DMGDH: variants seen among roughly 807,000 people sequenced by gnomAD.
DMGDH encodes dimethylglycine dehydrogenase.
Under a neutral mutation model 95.2 loss-of-function variants are expected in DMGDH, and 76 were observed. The ratio of observed to expected loss-of-function variants is 0.80; its 90% CI spans 0.66 to 0.97. The LOEUF (loss-of-function observed/expected upper bound fraction) is 0.97. Among genes scored for constraint, DMGDH ranks in the 50% least tolerant of loss-of-function variants. The pLI, the probability that DMGDH is intolerant of heterozygous loss-of-function variation, is 0.00. For synonymous variants in DMGDH, 345 were observed against 377.6 expected, an observed-to-expected ratio of 0.91 and a Z score of 1.00; for missense variants, 987 against 1,055.0, an observed-to-expected ratio of 0.94 and a Z score of 0.89.
At chr5:79,052,319 T>C (rs776787230) in intron 4 of DMGDH, among the ~76,000 whole-genome samples, 1 of 152,202 alleles carries the variant, frequency 6.6e-6, no homozygotes, top group Non-Finnish European at 1.5e-5. Flanking sequence ...ACTGGCCTCA[T>C]AGAATGAGTT....
At chr5:79,004,731 G>A (rs1316140761) in intron 15 of DMGDH, among the ~76,000 whole-genome samples, 1 of 152,142 alleles carries the variant, frequency 6.6e-6, no homozygotes, top group East Asian at 1.9e-4. Context: ...CAAATAGAAA[G>A]AATAAAAAGT....
In DMGDH at chr5:79,063,613, T is replaced by C. The variant is rs768400874; in HGVS notation, c.276A>G (p.Ala92=). 88 of 1,614,102 alleles carry C rather than the reference T, an allele frequency of 5.5e-5. 2 individuals are homozygous for C. In the South Asian group the frequency reaches 8.0e-4, roughly 15 times the overall value. Residue 92 remains alanine (A), a splice_region_variant and synonymous_variant, in exon 2 of 16, where the codon GCA becomes GCG. Coordinates refer to ENST00000255189, the MANE Select transcript of DMGDH (RefSeq NM_013391.3). ...SELTAGSTWH[A]AGLTTYFHPG... is the part of the protein sequence containing the mutation. The stretch of plus-strand genomic sequence containing the variant: ...TGACAGTTTGGGGTGCTTTTCTTAC[T>C]GCGTGCCAGGTAGATCCAGCCGTGA...
rs1406033505 is a variant in DMGDH, at chr5:79,042,363, A to G, written c.1113T>C (p.Pro371=). Residue 371 remains proline, a synonymous_variant, in exon 7 of 16, where the codon CCT becomes CCC. Coordinates refer to ENST00000255189, the MANE Select transcript of DMGDH (RefSeq NM_013391.3). ...KADIINVVNG[P]ITYSPDILPM... Reference sequence around the variant, plus strand: ...GCAGAATGTCAGGAGAATACGTGATAGGACCATTGACAACATTGATGATGT... The same window carrying G: ...GCAGAATGTCAGGAGAATACGTGATGGGACCATTGACAACATTGATGATGT... 1 of 1,614,254 alleles carries G rather than the reference A, an allele frequency of 6.2e-7. No individual in the cohort carries two copies. The highest frequency in any genetic ancestry group is 2.2e-5 in the East Asian group (1 of 44,888).
In DMGDH at chr5:79,065,400, C is replaced by T. The variant is rs138811954; in HGVS notation, c.102-1613G>A. Among the ~76,000 whole-genome samples the T allele has an allele frequency of 1.7e-4, 26 of 149,430 alleles. 1 individual carries two copies. Among genetic ancestry groups the T allele is most frequent in the African/African-American group, 6.2e-4 (25 of 40,570 alleles). ...CTAATTTTTGTATTTTTAGTGGAGA[C>T]GGGGTTTCACCATGTTGGCCAGGCT... On this transcript the variant is annotated intron_variant, in intron 1 of 15. Coordinates refer to ENST00000255189, the MANE Select transcript of DMGDH (RefSeq NM_013391.3).
chr5:79,005,502 C>T, intron 14 of DMGDH, 95 bp from the exon 15 acceptor site: 1 of 1,500,934 alleles, frequency 6.7e-7, no homozygotes, highest in African/African-American at 1.4e-5. Context: ...CCTATTTTCT[C>T]ACCAATTACA....
intron 14 of DMGDH, 76 bp from the exon 15 acceptor site, chr5:79,005,483 T>C: frequency 6.3e-7 from 1 of 1,592,748 alleles, no homozygotes; most frequent in Non-Finnish European, 8.6e-7. Flanking sequence ...AGCATTTAAA[T>C]TTGTCTTTCC....
chr5:79,040,536 G>T (rs766330779), intron 7 of DMGDH, among the ~76,000 whole-genome samples: 1 of 152,136 alleles, frequency 6.6e-6, no homozygotes, highest in East Asian at 1.9e-4. Context: ...AAATCTTCAC[G>T]AACTTGGATT....
At chr5:79,021,808 A>C in intron 14 of DMGDH, 3 of 989,310 alleles carry the variant, frequency 3.0e-6, no homozygotes, top group Non-Finnish European at 4.1e-6. Context: ...TTCAAGTCTG[A>C]TAAGCCCACT....
In DMGDH at chr5:79,060,651, T is replaced by C. The variant is rs1455409395; in HGVS notation, c.276+2962A>G. 2.6e-5 allele frequency among the ~76,000 whole-genome samples: 4 copies of C among 152,184 alleles called. No homozygotes were observed. In the East Asian group the frequency reaches 7.7e-4, roughly 29 times the overall value. ...AATTCTTAATATCAGCCTGGCGCGG[T>C]GGCTCACGCCTGTAATCCCAGCACT... On this transcript the variant is annotated intron_variant, in intron 2 of 15. Transcript: ENST00000255189.
At chr5:79,017,771 A>AT (rs933351825) in intron 14 of DMGDH, among the ~76,000 whole-genome samples, 47 of 152,304 alleles carry the variant, frequency 3.1e-4, no homozygotes, top group African/African-American at 1.1e-3. Context: ...TTATATGTGC[A>AT]TTTTTTTCAA....
rs145923150 is a variant in DMGDH, at chr5:79,034,242, C to T, written c.1194-834G>A. On this transcript the variant is annotated intron_variant, in intron 7 of 15. Transcript: ENST00000255189. ...GTGCGCAAGGAACTTGAGCCATTAT[C>T]TTAGAAACATTCAGGCAAAGAGGCC... Among the ~76,000 whole-genome samples, 445 of 152,256 alleles carry T rather than the reference C, an allele frequency of 2.9e-3. 3 individuals carry two copies. Among genetic ancestry groups the T allele is most frequent in the Non-Finnish European group, 3.1e-3 (214 of 68,008 alleles).
chr5:79,035,592 T>C (rs556931784), intron 7 of DMGDH, among the ~76,000 whole-genome samples: 52 of 152,238 alleles, frequency 3.4e-4, no homozygotes, highest in African/African-American at 1.2e-3. Flanking sequence ...TACAGCACTG[T>C]CTATATTTTT....
chr5:79,058,120 T>A (rs1000473946), intron 2 of DMGDH, among the ~76,000 whole-genome samples: 3 of 152,220 alleles, frequency 2.0e-5, no homozygotes, highest in African/African-American at 7.2e-5. Context: ...ACCGCAACAG[T>A]ATACCCAGTT....
chr5:79,013,966 G>A (rs114883486), intron 14 of DMGDH, among the ~76,000 whole-genome samples: 152 of 152,210 alleles, frequency 1.0e-3, no homozygotes, highest in African/African-American at 3.5e-3. Flanking sequence ...CATGAGATTT[G>A]GTGCAGACAC....
intron 15 of DMGDH, among the ~76,000 whole-genome samples, chr5:79,004,915 A>C (rs775546379): frequency 6.6e-6 from 1 of 152,244 alleles, no homozygotes; most frequent in Non-Finnish European, 1.5e-5. Context: ...AAGTTAAATC[A>C]GAATGCCAAA....
intron 5 of DMGDH, 119 bp from the exon 6 acceptor site, chr5:79,044,671 T>A: frequency 8.7e-7 from 1 of 1,146,818 alleles, no homozygotes; most frequent in Non-Finnish European, 1.2e-6. Context: ...TGGCAAAGTC[T>A]AATAAATGTC....
chr5:79,021,807 GA>G lies in DMGDH; in HGVS notation c.2250+2463del, dbSNP rs1452241851. The G allele has an allele frequency of 5.0e-6, 5 of 1,001,940 alleles. No homozygotes were observed. The African/African-American group carries it at 8.4e-5, about 17-fold the overall frequency. The allele number at this position is 1,001,940 out of a possible 1,614,324, so 62.1% of individuals were successfully genotyped here. A position where few individuals can be genotyped will look rare whatever the true frequency, so the allele number is the denominator to read the frequency against. On this transcript the variant is annotated intron_variant, in intron 14 of 15. Coordinates refer to ENST00000255189, the MANE Select transcript of DMGDH (RefSeq NM_013391.3). The stretch of plus-strand genomic sequence containing the variant: ...AATTCTTGGGCAGTCTTTCAAGTCT[GA>G]TAAGCCCACTGTGGAAAAGGACTTT...
chr5:79,058,650 G>A (rs1372592216), intron 2 of DMGDH, among the ~76,000 whole-genome samples: 1 of 152,196 alleles, frequency 6.6e-6, no homozygotes, highest in Non-Finnish European at 1.5e-5. Flanking sequence ...GTAGCTGGTA[G>A]AGAAGATAAG....
intron 7 of DMGDH, among the ~76,000 whole-genome samples, chr5:79,035,741 C>CG (rs57292208): frequency 0.035 from 4,549 of 129,036 alleles, 169 homozygotes; most frequent in Admixed American, 0.14. Context: ...GAGTGGTGGG[C>CG]GGGGGGGGAA....
Sources: gnomAD v4.1 joint callset for allele counts (sites outside exome capture counted in the v4.1 genomes callset) on GRCh38, gnomAD v4.1.1 for gene constraint, MANE v1.5 for transcripts, NCBI Gene and HGNC (gene_info 2026-07-23, HGNC 2026-07-21) for gene names.